The following NKAIN2 variants were observed in gnomAD, a reference collection of about 807,000 sequenced individuals.
NKAIN2 encodes the protein sodium/potassium transporting ATPase interacting 2.
A neutral mutation model predicts 32.6 loss-of-function variants in NKAIN2; 14 were observed. The observed-to-expected ratio is 0.43, with a 90% CI of 0.28 to 0.67. The LOEUF is 0.67. Ranked by LOEUF, NKAIN2 falls within the 30% of genes least tolerant of loss-of-function variation. NKAIN2 has a pLI of 0.17. For synonymous variants in NKAIN2, 80 were observed against 87.2 expected (o/e 0.92, Z 0.46); for missense variants, 198 against 258.3 (o/e 0.77, Z 1.60).
At chr6:124,804,849 C>T (rs1332333767) in intron 5 of NKAIN2, among the ~76,000 whole-genome samples, 3 of 152,212 alleles carry the variant, frequency 2.0e-5, no homozygotes, top group Non-Finnish European at 2.9e-5. Context: ...ATATGCTGCA[C>T]CTGGCTCCGA....
chr6:124,345,318 T>G (rs377469468), intron 2 of NKAIN2, among the ~76,000 whole-genome samples: 8,994 of 152,064 alleles, frequency 0.059, 492 homozygotes, highest in African/African-American at 0.14. Flanking sequence ...TCTCTGCCAG[T>G]CTTTGGTATC....
chr6:124,615,474 A>G (rs1457039309), intron 3 of NKAIN2, among the ~76,000 whole-genome samples: 1 of 152,188 alleles, frequency 6.6e-6, no homozygotes, highest in Non-Finnish European at 1.5e-5. Context: ...TCCTTAATAA[A>G]TGCACATACA....
In NKAIN2 at chr6:124,127,018, G is replaced by GATGAT. The variant is rs1337496679; in HGVS notation, c.55-155973_55-155969dup. On this transcript the variant is annotated intron_variant, in intron 1 of 6. Transcript: ENST00000368417. ...CAAGATCAGTTTCACAGCTATGAAG[G>GATGAT]ATGATATGATATGATATGTTTCTGA... is the stretch of plus-strand genomic sequence containing the variant. 4.6e-5 allele frequency among the ~76,000 whole-genome samples: 7 copies of GATGAT among 152,146 alleles called. No homozygotes were observed. The South Asian group carries it at 1.2e-3, about 27-fold the overall frequency.
intron 1 of NKAIN2, among the ~76,000 whole-genome samples, chr6:124,176,986 A>G (rs947212858): frequency 1.3e-5 from 2 of 152,084 alleles, no homozygotes; most frequent in African/African-American, 4.8e-5. Flanking sequence ...TAGTTTTAAA[A>G]TTCTGTGGCA....
At chr6:124,805,466 G>A (rs1376461609) in intron 5 of NKAIN2, among the ~76,000 whole-genome samples, 1 of 152,084 alleles carries the variant, frequency 6.6e-6, no homozygotes, top group South Asian at 2.1e-4. Flanking sequence ...AAACAGAAAG[G>A]ACATCCACAC....
At chr6:124,099,951 G>C (rs1312134382) in intron 1 of NKAIN2, among the ~76,000 whole-genome samples, 1 of 152,160 alleles carries the variant, frequency 6.6e-6, no homozygotes, top group East Asian at 1.9e-4. Context: ...TTAAAGATCG[G>C]TTGCTACCAG....
intron 1 of NKAIN2, among the ~76,000 whole-genome samples, chr6:124,259,452 C>T (rs934132096): frequency 5.9e-5 from 9 of 151,996 alleles, no homozygotes; most frequent in African/African-American, 1.2e-4. Context: ...TTGAAGCTTT[C>T]GAGAAAGTCA....
At chr6:123,844,301 T>C (rs186427787) in intron 1 of NKAIN2, among the ~76,000 whole-genome samples, 6 of 152,328 alleles carry the variant, frequency 3.9e-5, no homozygotes, top group Admixed American at 3.9e-4. Context: ...AAGGTAGTGT[T>C]TAGCTAAAGC....
intron 1 of NKAIN2, among the ~76,000 whole-genome samples, chr6:124,090,425 G>A (rs942152101): frequency 6.6e-6 from 1 of 151,892 alleles, no homozygotes; most frequent in Non-Finnish European, 1.5e-5. Context: ...GGTATAATAG[G>A]ATAATGGTCA....
At position 124,189,534 on chromosome 6, in the gene NKAIN2, C is replaced by A. The variant is rs192353088; in HGVS notation, c.55-93471C>A. 2.6e-5 allele frequency among the ~76,000 whole-genome samples: 4 copies of A among 152,042 alleles called. No homozygotes were observed. In the South Asian group the frequency reaches 6.2e-4, roughly 24 times the overall value. On this transcript the variant is annotated intron_variant, in intron 1 of 6. Coordinates refer to ENST00000368417, the MANE Select transcript of NKAIN2 (RefSeq NM_001040214.3). ...CTAACATGGTGAAACTCTGTCTCTACGAAAAATACAAAAAAGTTAGCCTGG... is the reference window on the plus strand; with the variant it reads ...CTAACATGGTGAAACTCTGTCTCTAAGAAAAATACAAAAAAGTTAGCCTGG...
At chr6:124,751,993 C>G (rs891552479) in intron 4 of NKAIN2, among the ~76,000 whole-genome samples, 1 of 152,010 alleles carries the variant, frequency 6.6e-6, no homozygotes, top group Middle Eastern at 3.4e-3. Context: ...AGCAATCAAC[C>G]AACCAAACAA....
intron 3 of NKAIN2, among the ~76,000 whole-genome samples, chr6:124,615,084 C>T (rs1300479706): frequency 6.6e-6 from 1 of 152,154 alleles, no homozygotes; most frequent in Non-Finnish European, 1.5e-5. Context: ...CTCCTTCGCA[C>T]TAATTTCTAT....
intron 1 of NKAIN2, among the ~76,000 whole-genome samples, chr6:123,922,392 T>A (rs1688170230): frequency 6.6e-6 from 1 of 152,216 alleles, no homozygotes. Flanking sequence ...GTTTTACATA[T>A]GAAAATTCTG....
At chr6:124,310,643 A>G (rs1382773527) in intron 2 of NKAIN2, among the ~76,000 whole-genome samples, 1 of 152,188 alleles carries the variant, frequency 6.6e-6, no homozygotes, top group East Asian at 1.9e-4. Context: ...AGATTCATTC[A>G]GAAATTAACT....
At chr6:123,977,626 C>T (rs114495607) in intron 1 of NKAIN2, among the ~76,000 whole-genome samples, 2,029 of 152,114 alleles carry the variant, frequency 0.013, 37 homozygotes, top group African/African-American at 0.046. Context: ...GTGTCTTATC[C>T]GGAGCCCTTT....
At chr6:124,041,577 C>T (rs1049543061) in intron 1 of NKAIN2, among the ~76,000 whole-genome samples, 28 of 151,924 alleles carry the variant, frequency 1.8e-4, no homozygotes, top group African/African-American at 6.5e-4. Flanking sequence ...AATCAGAGGT[C>T]GAAAATCCCT....
At chr6:123,895,198 G>GACAC (rs1054544992) in intron 1 of NKAIN2, among the ~76,000 whole-genome samples, 6 of 149,742 alleles carry the variant, frequency 4.0e-5, no homozygotes, top group East Asian at 2.0e-4. Context: ...CTCTCACACA[G>GACAC]ACACACACAC....
chr6:124,123,954 A>C (rs1050278779), intron 1 of NKAIN2, among the ~76,000 whole-genome samples: 5 of 152,154 alleles, frequency 3.3e-5, no homozygotes, highest in Non-Finnish European at 5.9e-5. Flanking sequence ...ATCATAATGC[A>C]GGATACTGAT....
intron 3 of NKAIN2, among the ~76,000 whole-genome samples, chr6:124,453,355 A>ACACACGCG (rs71021493): frequency 7.3e-6 from 1 of 136,676 alleles, no homozygotes; most frequent in African/African-American, 2.7e-5. Context: ...ACACACACAC[A>ACACACGCG]CACACACACA....
Sources: allele counts gnomAD v4.1 joint callset (sites outside exome capture counted in the v4.1 genomes callset), GRCh38; gene constraint gnomAD v4.1.1; transcripts MANE v1.5; gene names NCBI Gene and HGNC (gene_info 2026-07-23, HGNC 2026-07-21).